The following GPHN variants were observed in gnomAD, a reference collection of about 807,000 sequenced individuals.
GPHN encodes gephyrin.
A neutral mutation model predicts 95.5 loss-of-function variants in GPHN; 17 were observed. The observed-to-expected ratio is 0.18, with a 90% CI of 0.12 to 0.27. The LOEUF (loss-of-function observed/expected upper bound fraction) is 0.27, where lower values mean the gene tolerates loss of function less well. Among genes scored for constraint, GPHN ranks in the 10% least tolerant of loss-of-function variants. GPHN has a pLI of 1.00. For synonymous variants in GPHN, 320 were observed against 322.5 expected (o/e 0.99, Z 0.08); for missense variants, 660 against 978.1 (o/e 0.67, Z 4.34).
chr14:67,656,730 TA>T, the GPHN span: 1 of 930,872 alleles, frequency 1.1e-6, no homozygotes, highest in South Asian at 2.9e-5. Flanking sequence ...CCAAAGAAGC[TA>T]ATGATTCTTT....
intron 1 of GPHN, among the ~76,000 whole-genome samples, chr14:66,624,265 C>T (rs571356730): frequency 6.6e-6 from 1 of 152,246 alleles, no homozygotes; most frequent in South Asian, 2.1e-4. Flanking sequence ...ATCTTTATTT[C>T]CTCTGTAATA....
intron 10 of GPHN, among the ~76,000 whole-genome samples, chr14:67,045,905 C>G (rs780792950): frequency 6.6e-6 from 1 of 151,984 alleles, no homozygotes; most frequent in Non-Finnish European, 1.5e-5. Context: ...GGCCTGAATT[C>G]TTAACTTTAG....
chr14:66,632,224 C>T (rs2063844845), intron 1 of GPHN, among the ~76,000 whole-genome samples: 1 of 152,110 alleles, frequency 6.6e-6, no homozygotes, highest in Non-Finnish European at 1.5e-5. Flanking sequence ...GGTACAGTGC[C>T]TGTCTCTTAG....
intron 8 of GPHN, among the ~76,000 whole-genome samples, chr14:66,926,102 T>C (rs781124080): frequency 7.9e-5 from 12 of 152,218 alleles, no homozygotes; most frequent in Non-Finnish European, 1.8e-4. Flanking sequence ...TAGATTGTTT[T>C]ATGTTTTTTC....
At chr14:67,446,014 G>T in the GPHN span, 4 of 516,442 alleles carry the variant, frequency 7.7e-6, no homozygotes, top group African/African-American at 1.9e-5. Flanking sequence ...AGGAAAACCA[G>T]ATCTTTTGTT....
intron 3 of GPHN, among the ~76,000 whole-genome samples, chr14:66,795,062 G>A (rs1174861853): frequency 6.6e-6 from 1 of 152,038 alleles, no homozygotes; most frequent in East Asian, 1.9e-4. Flanking sequence ...GCATCATAGT[G>A]AAACACCCTG....
At chr14:67,552,333 G>T in the GPHN span, among the ~76,000 whole-genome samples, 2 of 152,242 alleles carry the variant, frequency 1.3e-5, no homozygotes, top group African/African-American at 4.8e-5. Flanking sequence ...TTAAGCAAAG[G>T]TGAAGAAGAA....
chr14:67,316,951 T>C, the GPHN span: 1 of 1,457,816 alleles, frequency 6.9e-7, no homozygotes, highest in African/African-American at 1.4e-5. Flanking sequence ...TGGGTCTTCA[T>C]CTGGAGCCAT....
At chr14:67,198,843 A>G in the GPHN span, 1 of 593,238 alleles carries the variant, frequency 1.7e-6, no homozygotes. Flanking sequence ...CAACATTAAA[A>G]TATTCAGACA....
the GPHN span, among the ~76,000 whole-genome samples, chr14:67,446,918 C>G: frequency 1.3e-5 from 2 of 152,002 alleles, no homozygotes; most frequent in African/African-American, 2.4e-5. Flanking sequence ...TTTGTAGGCT[C>G]TCTATGGCTG....
At chr14:67,418,560 G>C in the GPHN span, among the ~76,000 whole-genome samples, 2 of 152,184 alleles carry the variant, frequency 1.3e-5, no homozygotes. Context: ...CACAAGCCCC[G>C]CGCGGCCCAG....
At chr14:67,609,578 T>G in the GPHN span, among the ~76,000 whole-genome samples, 1 of 152,254 alleles carries the variant, frequency 6.6e-6, no homozygotes, top group East Asian at 1.9e-4. Flanking sequence ...GGGGTATGAA[T>G]TTCAAGTCCC....
At chr14:67,175,642 G>A (rs982192387) in intron 21 of GPHN, among the ~76,000 whole-genome samples, 36 of 152,108 alleles carry the variant, frequency 2.4e-4, no homozygotes, top group Non-Finnish European at 2.1e-4. Flanking sequence ...TATGGGGATA[G>A]CATTGAGTCT....
chr14:66,911,829 T>A (rs900229927), intron 5 of GPHN, among the ~76,000 whole-genome samples: 20 of 152,006 alleles, frequency 1.3e-4, no homozygotes, highest in African/African-American at 4.6e-4. Context: ...TTCAAAAAAA[T>A]TGGAATAAAA....
chr14:66,561,922 C>G (rs886344466), intron 1 of GPHN, among the ~76,000 whole-genome samples: 1 of 151,972 alleles, frequency 6.6e-6, no homozygotes, highest in Non-Finnish European at 1.5e-5. Flanking sequence ...AGGCTGCCTG[C>G]ATACCTTAGC....
chr14:67,118,710 C>T (rs1034894326), intron 16 of GPHN, among the ~76,000 whole-genome samples: 8 of 151,120 alleles, frequency 5.3e-5, no homozygotes, highest in African/African-American at 1.7e-4. Flanking sequence ...ACAGCCAGGG[C>T]GACAGAGCGA....
At chr14:67,388,860 G>C in the GPHN span, among the ~76,000 whole-genome samples, 492 of 152,028 alleles carry the variant, frequency 3.2e-3, 2 homozygotes, top group African/African-American at 0.011. Flanking sequence ...TGTATTTTTA[G>C]TAGAGGCAGG....
chr14:66,827,227 C>T (rs1019094392), intron 4 of GPHN, among the ~76,000 whole-genome samples: 12 of 151,590 alleles, frequency 7.9e-5, no homozygotes, highest in Middle Eastern at 3.4e-3. Context: ...GAGGTTTCGG[C>T]GAGCAGAGAT....
chr14:67,572,914 C>T, the GPHN span, among the ~76,000 whole-genome samples: 1 of 152,174 alleles, frequency 6.6e-6, no homozygotes, highest in Non-Finnish European at 1.5e-5. Flanking sequence ...CTTCTTCCTC[C>T]TCTCAGTCTT....
Sources: gnomAD v4.1 joint callset for allele counts (sites outside exome capture counted in the v4.1 genomes callset) on GRCh38, gnomAD v4.1.1 for gene constraint, MANE v1.5 for transcripts, NCBI Gene and HGNC (gene_info 2026-07-23, HGNC 2026-07-21) for gene names.